Variants in MYO16 observed in about 807,000 individuals in gnomAD.
The protein encoded by MYO16 is myosin XVI, also known as unconventional myosin-XVI.
MYO16 carries 94 observed loss-of-function variants against 205.3 expected under a neutral mutation model. That is an observed-to-expected ratio of 0.46 (90% CI 0.39 to 0.54). MYO16 has a LOEUF of 0.54. MYO16 is among the 20% of genes least tolerant of loss of function. The pLI is 0.00. For synonymous variants in MYO16, 988 were observed against 954.0 expected (o/e 1.04, Z -0.66); for missense variants, 2,315 against 2,387.5 (o/e 0.97, Z 0.63).
At chr13:108,543,873 C>G in the MYO16 span, among the ~76,000 whole-genome samples, 9 of 149,028 alleles carry the variant, frequency 6.0e-5, no homozygotes, top group Non-Finnish European at 1.3e-4. Context: ...CGAGACCAGC[C>G]CGGCCAACAT....
chr13:108,764,054 G>A (rs892193835), intron 4 of MYO16, among the ~76,000 whole-genome samples: 3 of 152,084 alleles, frequency 2.0e-5, no homozygotes, highest in Admixed American at 2.0e-4. Context: ...TTGTGGAAAT[G>A]GGAGTGATAT....
chr13:109,200,349 TAGAA>T (rs1880349228), intron 34 of MYO16, among the ~76,000 whole-genome samples: 1 of 152,182 alleles, frequency 6.6e-6, no homozygotes. Flanking sequence ...ATGTCTGTAA[TAGAA>T]AAGAAGAAAA....
intron 1 of MYO16, among the ~76,000 whole-genome samples, chr13:108,611,005 T>C (rs1019998383): frequency 6.6e-6 from 1 of 152,206 alleles, no homozygotes; most frequent in African/African-American, 2.4e-5. Flanking sequence ...AAAGCCATCA[T>C]GATTTGAATG....
At chr13:108,855,574 C>A (rs755150929) in intron 11 of MYO16, 21 bp downstream of exon 11, 4 of 1,472,294 alleles carry the variant, frequency 2.7e-6, no homozygotes, top group Admixed American at 3.5e-5. Context: ...TGGAAATTGC[C>A]TTTTGCACTG....
rs201970447 is a variant in MYO16 at position 109,126,889 on chromosome 13, G to A, written c.3783-393G>A. 1.8e-3 allele frequency among the ~76,000 whole-genome samples: 273 copies of A among 152,286 alleles called. 1 individual carries two copies. Among genetic ancestry groups the A allele is most frequent in the African/African-American group, 6.4e-3 (268 of 41,566 alleles). On this transcript the variant is annotated intron_variant, in intron 30 of 34. Transcript: ENST00000457511. ...TGATGCATCAGTAACTCTCTATTAAGATGGATTTGCCAGAAATTATCATTC... is the reference window on the plus strand; with the variant it reads ...TGATGCATCAGTAACTCTCTATTAAAATGGATTTGCCAGAAATTATCATTC...
At chr13:109,048,457 C>T (rs1684490234) in intron 24 of MYO16, 1 of 580,262 alleles carries the variant, frequency 1.7e-6, no homozygotes, top group Non-Finnish European at 3.2e-6. Context: ...AGACCTTGTG[C>T]ACCATAAGAT....
intron 11 of MYO16, among the ~76,000 whole-genome samples, chr13:108,858,542 T>G (rs1301062306): frequency 2.0e-4 from 30 of 152,120 alleles, no homozygotes. Flanking sequence ...CTGATTTCCC[T>G]GCAAATGTCA....
intron 4 of MYO16, among the ~76,000 whole-genome samples, chr13:108,753,105 C>T (rs1885294446): frequency 6.6e-6 from 1 of 151,724 alleles, no homozygotes; most frequent in Admixed American, 6.6e-5. Flanking sequence ...CATGGTGGCT[C>T]ATACCTGTAA....
chr13:108,675,026 C>G (rs549029515), intron 2 of MYO16, among the ~76,000 whole-genome samples: 1 of 152,170 alleles, frequency 6.6e-6, no homozygotes, highest in Non-Finnish European at 1.5e-5. Flanking sequence ...TCATTAACTG[C>G]TCAATAGGAT....
At chr13:109,092,206 A>C (rs950224134) in intron 27 of MYO16, among the ~76,000 whole-genome samples, 1 of 152,250 alleles carries the variant, frequency 6.6e-6, no homozygotes, top group South Asian at 2.1e-4. Flanking sequence ...GAGAAAGTGC[A>C]TCTGAGGTTA....
Position 108,776,147 on chromosome 13 carries a change from A to G in MYO16, c.508-9488A>G, listed in dbSNP as rs139345896. The stretch of plus-strand genomic sequence containing the variant: ...TTATCTCCAAATGCAAATATTTTAC[A>G]CAATTGTGGGAAATATCATGGCCAG... On this transcript the variant is annotated intron_variant, in intron 4 of 34. Coordinates refer to ENST00000457511, the MANE Select transcript of MYO16 (RefSeq NM_001198950.3). Among the ~76,000 whole-genome samples the G allele has an allele frequency of 3.5e-3, 536 of 152,290 alleles. 2 individuals are homozygous for G. Among genetic ancestry groups the G allele is most frequent in the African/African-American group, 0.013 (522 of 41,566 alleles).
At chr13:108,628,564 A>G (rs1879836521), upstream of MYO16, among the ~76,000 whole-genome samples, 1 of 152,220 alleles carries the variant, frequency 6.6e-6, no homozygotes, top group South Asian at 2.1e-4. Context: ...GCTGGATTTG[A>G]CATCAGGCTG....
chr13:108,706,585 C>G lies in MYO16; in HGVS notation c.293-6076C>G, dbSNP rs547321894. ...CAGTACCAGTGCCAACTAGATTATA[C>G]ACTCTATGAAGGTAAGATTGTTTTC... On this transcript the variant is annotated intron_variant, in intron 2 of 34. Transcript: ENST00000457511. Among the ~76,000 whole-genome samples, 18 of 152,276 alleles carry G rather than the reference C, an allele frequency of 1.2e-4. No homozygotes were observed. The East Asian group carries it at 3.5e-3, about 29-fold the overall frequency.
chr13:108,900,840 C>A (rs923349000), intron 15 of MYO16, among the ~76,000 whole-genome samples: 8 of 152,150 alleles, frequency 5.3e-5, no homozygotes, highest in African/African-American at 1.9e-4. Context: ...GCCAGTGAGC[C>A]AGGTGGAGCC....
intron 6 of MYO16, among the ~76,000 whole-genome samples, chr13:108,805,942 A>AAAT (rs1424600691): frequency 1.0e-3 from 151 of 150,762 alleles, no homozygotes; most frequent in African/African-American, 3.4e-3. Context: ...ATAAATAAAT[A>AAAT]AATAAATAAA....
At chr13:108,967,143 C>G (rs1755246469) in intron 20 of MYO16, among the ~76,000 whole-genome samples, 1 of 142,222 alleles carries the variant, frequency 7.0e-6, no homozygotes, top group South Asian at 2.2e-4. Flanking sequence ...GACATGTATA[C>G]TGACTATATA....
chr13:109,153,148 A>G (rs1255941240), intron 32 of MYO16, among the ~76,000 whole-genome samples: 2 of 152,202 alleles, frequency 1.3e-5, no homozygotes, highest in Non-Finnish European at 2.9e-5. Flanking sequence ...TTCATTTTAA[A>G]GTGCGTGTCA....
chr13:108,748,248 A>T (rs992546101), intron 4 of MYO16, among the ~76,000 whole-genome samples: 3 of 152,140 alleles, frequency 2.0e-5, no homozygotes, highest in Non-Finnish European at 2.9e-5. Context: ...CAGCACACTT[A>T]AAAATTATAT....
chr13:109,054,473 A>G (rs952057202), intron 25 of MYO16, among the ~76,000 whole-genome samples: 3 of 152,106 alleles, frequency 2.0e-5, no homozygotes, highest in Admixed American at 6.6e-5. Context: ...TCTTTGTAAC[A>G]TAAAACACCA....
Sources: allele counts gnomAD v4.1 joint callset (sites outside exome capture counted in the v4.1 genomes callset), GRCh38; gene constraint gnomAD v4.1.1; transcripts MANE v1.5; gene names NCBI Gene and HGNC (gene_info 2026-07-23, HGNC 2026-07-21).